The following STX18 variants were observed in gnomAD, a reference collection of about 807,000 sequenced individuals.
The protein encoded by STX18 is syntaxin 18.
Under a neutral mutation model 50.1 loss-of-function variants are expected in STX18, and 40 were observed. That is an observed-to-expected ratio of 0.80 (90% CI 0.62 to 1.04). STX18 has a LOEUF of 1.04. Ranked by LOEUF, STX18 falls within the 50% of genes least tolerant of loss-of-function variation. STX18 has a pLI of 0.00. For missense variants in STX18, 410 were observed against 415.8 expected (o/e 0.99, Z 0.12); for synonymous variants, 158 against 151.8 (o/e 1.04, Z -0.30).
chr4:4,438,927 TCATA>T (rs1736693776), intron 5 of STX18, among the ~76,000 whole-genome samples: 1 of 149,814 alleles, frequency 6.7e-6, no homozygotes, highest in African/African-American at 2.5e-5. Context: ...ATACATATAT[TCATA>T]TATATATATA....
chr4:4,524,412 A>C (rs1730655377), intron 1 of STX18, among the ~76,000 whole-genome samples: 1 of 152,232 alleles, frequency 6.6e-6, no homozygotes, highest in African/African-American at 2.4e-5. Flanking sequence ...CTGGGTCCTA[A>C]ATGGACCAAG....
intron 1 of STX18, among the ~76,000 whole-genome samples, chr4:4,488,783 G>T (rs1430875229): frequency 6.6e-6 from 1 of 152,162 alleles, no homozygotes; most frequent in African/African-American, 2.4e-5. Context: ...TCTAAACAAG[G>T]GGAGGGGGTG....
chr4:4,441,512 A>G (rs1363387706), intron 5 of STX18, among the ~76,000 whole-genome samples: 1 of 152,204 alleles, frequency 6.6e-6, no homozygotes, highest in Non-Finnish European at 1.5e-5. Flanking sequence ...TGCAATAGCC[A>G]AAACAAAACA....
At chr4:4,430,852 A>C (rs1725483206) in intron 7 of STX18, among the ~76,000 whole-genome samples, 1 of 152,206 alleles carries the variant, frequency 6.6e-6, no homozygotes, top group Non-Finnish European at 1.5e-5. Context: ...GATTCTGAAG[A>C]GATCACTGAT....
intron 6 of STX18, among the ~76,000 whole-genome samples, chr4:4,435,935 C>A (rs1400298041): frequency 6.6e-6 from 1 of 152,146 alleles, no homozygotes; most frequent in Non-Finnish European, 1.5e-5. Context: ...AGAGGGATGG[C>A]AGGGATGGAT....
At chr4:4,536,603 G>A (rs1288435637) in intron 1 of STX18, among the ~76,000 whole-genome samples, 1 of 152,160 alleles carries the variant, frequency 6.6e-6, no homozygotes, top group Non-Finnish European at 1.5e-5. Context: ...TGATGCATGT[G>A]AGAAAATGAA....
chr4:4,491,224 C>A (rs887708479), intron 1 of STX18, among the ~76,000 whole-genome samples: 8 of 151,950 alleles, frequency 5.3e-5, no homozygotes, highest in African/African-American at 1.9e-4. Flanking sequence ...AAACTACGAG[C>A]ACGTCTAGCC....
chr4:4,453,704 A>G, intron 5 of STX18: 1 of 977,080 alleles, frequency 1.0e-6, no homozygotes, highest in Non-Finnish European at 1.2e-6. Context: ...TTTGATATAT[A>G]ATATCATAGT....
chr4:4,508,756 T>C (rs1439516938), intron 1 of STX18, among the ~76,000 whole-genome samples: 2 of 152,168 alleles, frequency 1.3e-5, no homozygotes, highest in South Asian at 2.1e-4. Flanking sequence ...TCCCCCACCA[T>C]GTGTCCATGT....
At chr4:4,518,798 G>A (rs1730392850) in intron 1 of STX18, among the ~76,000 whole-genome samples, 1 of 152,178 alleles carries the variant, frequency 6.6e-6, no homozygotes, top group Admixed American at 6.5e-5. Flanking sequence ...AGCTCACAAC[G>A]GTTTACTTAT....
chr4:4,442,880 C>T (rs1726198256), intron 5 of STX18, among the ~76,000 whole-genome samples: 1 of 149,230 alleles, frequency 6.7e-6, no homozygotes. Context: ...GTAAACTAGG[C>T]AAGAAAGTTC....
chr4:4,460,125 C>T (rs1727301907), intron 2 of STX18, among the ~76,000 whole-genome samples: 1 of 152,168 alleles, frequency 6.6e-6, no homozygotes, highest in African/African-American at 2.4e-5. Context: ...CTCTAACATT[C>T]CATATATTTT....
chr4:4,420,819 C>T lies in STX18; in HGVS notation c.912+45G>A. 6.4e-7 allele frequency: 1 copy of T among 1,552,290 alleles called. No homozygotes were observed. Among genetic ancestry groups the T allele is most frequent in the Non-Finnish European group, 8.9e-7 (1 of 1,124,310 alleles). ...GAGACTAACACCCGCTGCTGGGACT[C>T]AGTGCTGCGCCACGTCGCACCTGGG... On this transcript the variant is annotated intron_variant, in intron 10 of 10. Coordinates refer to ENST00000306200, the MANE Select transcript of STX18 (RefSeq NM_016930.4). The surrounding 1 kb of genome is among the most constrained non-coding windows in gnomAD (Gnocchi z 4.3).
chr4:4,522,421 C>T (rs566232876), intron 1 of STX18, among the ~76,000 whole-genome samples: 1 of 152,290 alleles, frequency 6.6e-6, no homozygotes, highest in Non-Finnish European at 1.5e-5. Flanking sequence ...TGTGGGCACA[C>T]AGATCTAATC....
chr4:4,420,814 G>A lies in STX18; in HGVS notation c.912+50C>T. ...CCGGCGAGACTAACACCCGCTGCTG[G>A]GACTCAGTGCTGCGCCACGTCGCAC... On this transcript the variant is annotated intron_variant, in intron 10 of 10. Transcript: ENST00000306200. This position sits in a 1 kb window ranked among gnomAD's most constrained non-coding sequence, Gnocchi z 4.3. 1 of 1,526,616 alleles carries A rather than the reference G, an allele frequency of 6.6e-7. No homozygotes were observed. Among genetic ancestry groups the A allele is most frequent in the Non-Finnish European group, 9.1e-7 (1 of 1,101,164 alleles). The allele number at this position is 1,526,616 out of a possible 1,614,324, so 94.6% of individuals were successfully genotyped here. A position where few individuals can be genotyped will look rare whatever the true frequency, so the allele number is the denominator to read the frequency against.
rs983546421 is a variant in STX18 at position 4,420,203 on chromosome 4, C to T, written c.913-74G>A. The T allele has an allele frequency of 2.9e-5, 34 of 1,165,386 alleles. No homozygotes were observed. In the African/African-American group the frequency reaches 3.7e-4, roughly 13 times the overall value. The allele number at this position is 1,165,386 out of a possible 1,614,324, so 72.2% of individuals were successfully genotyped here. A position where few individuals can be genotyped will look rare whatever the true frequency, so the allele number is the denominator to read the frequency against. On this transcript the variant is annotated intron_variant, in intron 10 of 10. Coordinates refer to ENST00000306200, the MANE Select transcript of STX18 (RefSeq NM_016930.4). The surrounding 1 kb of genome is among the most constrained non-coding windows in gnomAD (Gnocchi z 4.3). Reference sequence around the variant, plus strand: ...TTGAGCAGCCCTGAAATGCCCCCCTCTTCCCACGTGCTCTCCTGATCCTGG... The same window carrying T: ...TTGAGCAGCCCTGAAATGCCCCCCTTTTCCCACGTGCTCTCCTGATCCTGG...
chr4:4,466,921 G>A (rs1168137834), intron 2 of STX18, among the ~76,000 whole-genome samples: 1 of 152,042 alleles, frequency 6.6e-6, no homozygotes, highest in Non-Finnish European at 1.5e-5. Context: ...TGGGCAGGGG[G>A]CTAGGGAATG....
intron 7 of STX18, among the ~76,000 whole-genome samples, chr4:4,431,375 G>C (rs1273900961): frequency 1.3e-5 from 2 of 152,168 alleles, no homozygotes. Context: ...AAACCTAAGA[G>C]ATTTTTAAGA....
intron 1 of STX18, 152 bp downstream of exon 1, chr4:4,541,645 A>T: frequency 1.4e-6 from 1 of 701,734 alleles, no homozygotes; most frequent in Non-Finnish European, 2.1e-6. Context: ...TCCCCCAAAA[A>T]GCTGTAGGGT....
Sources: allele counts gnomAD v4.1 joint callset (sites outside exome capture counted in the v4.1 genomes callset), GRCh38; gene constraint gnomAD v4.1.1; non-coding constraint Gnocchi (gnomAD v3.1); transcripts MANE v1.5; gene names NCBI Gene and HGNC (gene_info 2026-07-23, HGNC 2026-07-21).